The following TANC1 variants were observed in gnomAD, a reference collection of about 807,000 sequenced individuals.
TANC1 encodes the protein tetratricopeptide repeat, ankyrin repeat and coiled-coil containing 1.
In TANC1, 77 loss-of-function variants were observed where a neutral mutation model predicts 149.7. The ratio of observed to expected loss-of-function variants is 0.51; its 90% CI spans 0.43 to 0.62. TANC1 has a LOEUF of 0.62. Among genes scored for constraint, TANC1 ranks in the 20% least tolerant of loss-of-function variants. The pLI is 0.00. For missense variants in TANC1, 1,985 were observed against 2,321.8 expected (o/e 0.85, Z 2.98); for synonymous variants, 854 against 925.0 (o/e 0.92, Z 1.39).
At chr2:159,165,781 G>A (rs2054533378) in intron 8 of TANC1, among the ~76,000 whole-genome samples, 1 of 152,236 alleles carries the variant, frequency 6.6e-6, no homozygotes, top group Non-Finnish European at 1.5e-5. Context: ...GGTGGGAAAG[G>A]TGTTTTGGCA....
At chr2:158,973,602 G>T (rs2033214654) in intron 1 of TANC1, among the ~76,000 whole-genome samples, 1 of 152,212 alleles carries the variant, frequency 6.6e-6, no homozygotes, top group Non-Finnish European at 1.5e-5. Context: ...CCAGCCAAAG[G>T]AGAGTTACGG....
At chr2:159,224,439 G>A in intron 23 of TANC1, 75 bp downstream of exon 23, 3 of 1,554,914 alleles carry the variant, frequency 1.9e-6, no homozygotes, top group Middle Eastern at 1.7e-4. Context: ...AGCACAGAGA[G>A]TGACCTGCTC....
chr2:159,110,672 A>C (rs2047638146), intron 4 of TANC1, among the ~76,000 whole-genome samples: 1 of 152,216 alleles, frequency 6.6e-6, no homozygotes, highest in Admixed American at 6.5e-5. Flanking sequence ...GTGAAATTTA[A>C]ACAAGATGTA....
intron 16 of TANC1, among the ~76,000 whole-genome samples, chr2:159,192,296 C>T (rs2057505420): frequency 6.6e-6 from 1 of 152,140 alleles, no homozygotes; most frequent in Admixed American, 6.5e-5. Context: ...CTATTAACAC[C>T]ATGACTATTT....
At chr2:158,977,240 A>G (rs921089353) in intron 1 of TANC1, among the ~76,000 whole-genome samples, 1 of 152,102 alleles carries the variant, frequency 6.6e-6, no homozygotes, top group African/African-American at 2.4e-5. Flanking sequence ...CCTGGGCTCA[A>G]GTGATCCTGT....
chr2:158,971,874 G>A (rs981064992), intron 1 of TANC1, among the ~76,000 whole-genome samples: 28 of 152,194 alleles, frequency 1.8e-4, no homozygotes, highest in African/African-American at 6.8e-4. Flanking sequence ...AAATAGTTGA[G>A]TTGAACTTGA....
chr2:159,150,520 A>C lies in TANC1; in HGVS notation c.646A>C (p.Ser216Arg), dbSNP rs2052666242. 6.2e-7 allele frequency: 1 copy of C among 1,614,024 alleles called. No individual in the cohort carries two copies. The highest frequency in any genetic ancestry group is 1.3e-5 in the African/African-American group (1 of 74,928). ...KSPCETISSP[S>R]STLESKDSGI... ...TCCCTGTGAGACCATTAGCAGCCCT[A>C]GTTCCACCCTGGAAAGCAAGGACAG... Residue 216 changes from serine to arginine, a missense_variant, in exon 7 of 27, where the codon AGT (serine) becomes CGT (arginine). By Grantham distance (110) the Ser-to-Arg change is moderately radical. Transcript: ENST00000263635.
chr2:159,025,376 C>T (rs264598), intron 2 of TANC1, among the ~76,000 whole-genome samples: 151,743 of 152,178 alleles, frequency 1, 75,657 homozygotes, highest in Non-Finnish European at 1. Flanking sequence ...AGCCTTCATA[C>T]CATACATTAG....
intron 2 of TANC1, among the ~76,000 whole-genome samples, chr2:159,061,975 C>T (rs2042266859): frequency 6.6e-6 from 1 of 152,182 alleles, no homozygotes; most frequent in African/African-American, 2.4e-5. Flanking sequence ...TGGTAGTTCA[C>T]ACCTGTAATC....
At chr2:159,130,019 C>T (rs141882057) in intron 4 of TANC1, among the ~76,000 whole-genome samples, 2 of 152,114 alleles carry the variant, frequency 1.3e-5, no homozygotes, top group African/African-American at 2.4e-5. Context: ...GGAAAAGCGG[C>T]GGCAGCAGGA....
chr2:159,101,398 A>C (rs2046687707), intron 4 of TANC1, among the ~76,000 whole-genome samples: 1 of 152,206 alleles, frequency 6.6e-6, no homozygotes, highest in Admixed American at 6.5e-5. Flanking sequence ...GGCCAGAGAT[A>C]ATTTAATTAA....
Position 159,049,864 on chromosome 2 carries a change from C to T in TANC1, c.-15-16032C>T, listed in dbSNP as rs148136505. ...TTTTGGACATGTTGAGGTATGTGAGCCAGGGCTGATGACGGCAAGTTGGAA... is the reference window on the plus strand; with the variant it reads ...TTTTGGACATGTTGAGGTATGTGAGTCAGGGCTGATGACGGCAAGTTGGAA... On this transcript the variant is annotated intron_variant, in intron 2 of 26. Coordinates refer to ENST00000263635, the MANE Select transcript of TANC1 (RefSeq NM_033394.3). 2.0e-5 allele frequency among the ~76,000 whole-genome samples: 3 copies of T among 152,132 alleles called. No homozygotes were observed. The East Asian group carries it at 5.8e-4, about 29-fold the overall frequency.
chr2:159,073,018 A>G (rs1397553904), intron 3 of TANC1, among the ~76,000 whole-genome samples: 2 of 152,170 alleles, frequency 1.3e-5, no homozygotes, highest in Non-Finnish European at 2.9e-5. Flanking sequence ...TTACCTTTTA[A>G]CCTCTATGAA....
At chr2:158,982,770 A>G (rs913065909) in intron 1 of TANC1, among the ~76,000 whole-genome samples, 22 of 152,016 alleles carry the variant, frequency 1.4e-4, no homozygotes, top group Non-Finnish European at 2.8e-4. Flanking sequence ...ATCATGCCTG[A>G]CTAATTTTTT....
At position 159,025,358 on chromosome 2, in the gene TANC1, T is replaced by G. The variant is rs1344893098; in HGVS notation, c.-16+24169T>G. Among the ~76,000 whole-genome samples, 4 of 152,098 alleles carry G rather than the reference T, an allele frequency of 2.6e-5. 1 individual carries two copies. Among genetic ancestry groups the G allele is most frequent in the African/African-American group, 9.6e-5 (4 of 41,484 alleles). On this transcript the variant is annotated intron_variant, in intron 2 of 26. Coordinates refer to ENST00000263635, the MANE Select transcript of TANC1 (RefSeq NM_033394.3). ...AGTACCACTAAGCAATACAATGTTGTTAACTATAGCCTTCATACCATACAT... is the reference window on the plus strand; with the variant it reads ...AGTACCACTAAGCAATACAATGTTGGTAACTATAGCCTTCATACCATACAT...
intron 7 of TANC1, among the ~76,000 whole-genome samples, chr2:159,158,651 G>A (rs1374650521): frequency 6.6e-6 from 1 of 152,212 alleles, no homozygotes; most frequent in Non-Finnish European, 1.5e-5. Flanking sequence ...GTTGGGGAAA[G>A]TATGAAATAG....
chr2:159,074,821 G>A (rs2043494468), intron 3 of TANC1, among the ~76,000 whole-genome samples: 1 of 151,942 alleles, frequency 6.6e-6, no homozygotes, highest in Non-Finnish European at 1.5e-5. Flanking sequence ...CTGAGATGAG[G>A]GTGCCAGCAT....
At chr2:159,196,303 G>A (rs1575197610) in intron 17 of TANC1, among the ~76,000 whole-genome samples, 1 of 152,336 alleles carries the variant, frequency 6.6e-6, no homozygotes, top group East Asian at 1.9e-4. Context: ...GTTTTGGTCT[G>A]TGTCTCCACA....
chr2:159,103,013 C>T lies in TANC1; in HGVS notation c.259+5179C>T, dbSNP rs1379790135. ...GATTACAGGCATGAGCCACCCCTCC[C>T]AGCCAGATACTTACTTTTTAAAAAA... On this transcript the variant is annotated intron_variant, in intron 4 of 26. Transcript: ENST00000263635. Among the ~76,000 whole-genome samples the T allele has an allele frequency of 2.1e-5, 2 of 94,346 alleles. 1 individual carries two copies. Among genetic ancestry groups the T allele is most frequent in the Admixed American group, 2.3e-4 (2 of 8,820 alleles). The allele number at this position is 94,346 out of a possible 152,430, so 61.9% of individuals were successfully genotyped here. A position where few individuals can be genotyped will look rare whatever the true frequency, so the allele number is the denominator to read the frequency against.
Sources: allele counts gnomAD v4.1 joint callset (sites outside exome capture counted in the v4.1 genomes callset), GRCh38; gene constraint gnomAD v4.1.1; transcripts MANE v1.5; gene names NCBI Gene and HGNC (gene_info 2026-07-23, HGNC 2026-07-21).